PPP6R1: variants seen among roughly 807,000 people sequenced by gnomAD.
The protein encoded by PPP6R1 is serine/threonine-protein phosphatase 6 regulatory subunit 1.
In PPP6R1, 39 loss-of-function variants were observed where a neutral mutation model predicts 104.6. The ratio of observed to expected loss-of-function variants is 0.37; its 90% CI spans 0.29 to 0.49. The LOEUF is 0.49. PPP6R1 is among the 20% of genes least tolerant of loss of function. PPP6R1 has a pLI of 0.98. For missense variants in PPP6R1, 1,181 were observed against 1,155.8 expected (o/e 1.02, Z -0.32); for synonymous variants, 549 against 479.0 (o/e 1.15, Z -1.91).
In PPP6R1 at chr19:55,235,519, CT is replaced by C. The variant is rs1243985127; in HGVS notation, c.1988+1123del. On this transcript the variant is annotated intron_variant, in intron 17 of 23. Transcript: ENST00000412770. ...AACTTAACTCATTTGAATTAGATTC[CT>C]TTTTTTTTTTTTTTCTGAGACAGAG... is the stretch of plus-strand genomic sequence containing the variant. Among the ~76,000 whole-genome samples the C allele has an allele frequency of 2.8e-3, 399 of 141,884 alleles. 5 individuals carry two copies. The highest frequency in any genetic ancestry group is 5.8e-3 in the African/African-American group (222 of 38,586). The allele number at this position is 141,884 out of a possible 152,430, so 93.1% of individuals were successfully genotyped here.
In PPP6R1 at chr19:55,240,125, T is replaced by A. The variant is rs759387416; in HGVS notation, c.1362-11A>T. On this transcript the variant is annotated splice_polypyrimidine_tract_variant and intron_variant, in intron 11 of 23. Coordinates refer to ENST00000412770, the MANE Select transcript of PPP6R1 (RefSeq NM_014931.4). ...GGGCCTCCCGCACACCTGGCAAGAG[T>A]GAAGGCCGCGGCTGCAAGCCAGGAC... 6.4e-7 allele frequency: 1 copy of A among 1,569,838 alleles called. No individual in the cohort carries two copies. The highest frequency in any genetic ancestry group is 1.2e-5 in the South Asian group (1 of 85,794).
rs767048361 is a variant in PPP6R1 at position 55,242,346 on chromosome 19, C to T, written c.731+30G>A. 9.9e-6 allele frequency: 16 copies of T among 1,612,266 alleles called. No individual in the cohort carries two copies. The Admixed American group carries it at 2.3e-4, about 24-fold the overall frequency. ...CCCAGGGCTTCCCCAAGTCAGCTCCCCCCAGCCTTAGCCTTGCCCGCACAC... is the reference window on the plus strand; with the variant it reads ...CCCAGGGCTTCCCCAAGTCAGCTCCTCCCAGCCTTAGCCTTGCCCGCACAC... On this transcript the variant is annotated intron_variant, in intron 6 of 23. Coordinates refer to ENST00000412770, the MANE Select transcript of PPP6R1 (RefSeq NM_014931.4).
rs773378769 is a variant in PPP6R1 at position 55,242,313 on chromosome 19, G to A, written c.732-34C>T. On this transcript the variant is annotated intron_variant, in intron 6 of 23. Transcript: ENST00000412770. ...GCAGGGGCAGGGGTCAGGGTGAGGG[G>A]CCAGGGGCCCAGGGCTTCCCCAAGT... 6.8e-6 allele frequency: 11 copies of A among 1,613,002 alleles called. 1 individual carries two copies. In the South Asian group the frequency reaches 7.7e-5, roughly 11 times the overall value.
chr19:55,235,420 G>C (rs1409667903), intron 17 of PPP6R1, among the ~76,000 whole-genome samples: 2 of 151,894 alleles, frequency 1.3e-5, no homozygotes, highest in Non-Finnish European at 2.9e-5. Context: ...GGAAGAGAGA[G>C]ACACACACAG....
At chr19:55,255,282 C>A (rs1042664471) in intron 1 of PPP6R1, among the ~76,000 whole-genome samples, 8 of 152,182 alleles carry the variant, frequency 5.3e-5, no homozygotes, top group Non-Finnish European at 8.8e-5. Flanking sequence ...GTCTCCTGAA[C>A]TGGCCACAGG....
chr19:55,236,243 C>CGTA, intron 17 of PPP6R1: 1 of 173,212 alleles, frequency 5.8e-6, no homozygotes, highest in Non-Finnish European at 1.2e-5. Flanking sequence ...CAACCTCTGC[C>CGTA]TCCCTGGCTC....
chr19:55,257,078 T>TAAA (rs35336959), intron 1 of PPP6R1, among the ~76,000 whole-genome samples: 137 of 94,252 alleles, frequency 1.5e-3, no homozygotes, highest in African/African-American at 5.2e-3. Flanking sequence ...GAACTAGAGT[T>TAAA]AAAAAAAAAA....
In PPP6R1 at chr19:55,230,397, G is replaced by A. The variant is rs2087329074; in HGVS notation, c.*131C>T. On this transcript the variant is annotated 3_prime_UTR_variant, in exon 24 of 24. Coordinates refer to ENST00000412770, the MANE Select transcript of PPP6R1 (RefSeq NM_014931.4). ...TCTCCCTGGCACCAGCCTCCTGGGG[G>A]TCCAGAGGAGAGAATGTGGGGGTGT... is the stretch of plus-strand genomic sequence containing the variant. 2.2e-6 allele frequency: 3 copies of A among 1,379,510 alleles called. No individual in the cohort carries two copies. Among genetic ancestry groups the A allele is most frequent in the Admixed American group, 3.9e-5 (2 of 50,890 alleles). The allele number at this position is 1,379,510 out of a possible 1,614,324, so 85.5% of individuals were successfully genotyped here.
downstream of PPP6R1, chr19:55,229,010 A>C: frequency 7.1e-5 from 30 of 422,320 alleles, no homozygotes; most frequent in Middle Eastern, 7.0e-4. Context: ...AGGCCCACAA[A>C]TGCCTGTCCC....
chr19:55,245,513 G>A lies in PPP6R1; in HGVS notation c.393C>T (p.Leu131=), dbSNP rs761058109. ...ASFFSKVMGI[L]INRKTDQLVS... Reference sequence around the variant, plus strand: ...GCACCTGGTCTGTCTTGCGGTTGATGAGGATGCCCATGACCTTGCTGAAGA... The same window carrying A: ...GCACCTGGTCTGTCTTGCGGTTGATAAGGATGCCCATGACCTTGCTGAAGA... The change falls in exon 3 of 24, where the codon CTC becomes CTT. Residue 131 remains leucine (L), a synonymous_variant. Transcript: ENST00000412770. The surrounding 1 kb of genome is among the most constrained non-coding windows in gnomAD (Gnocchi z 6.4). 5.0e-6 allele frequency: 8 copies of A among 1,609,764 alleles called. No homozygotes were observed. The highest frequency in any genetic ancestry group is 5.1e-6 in the Non-Finnish European group (6 of 1,178,228).
Position 55,241,596 on chromosome 19 carries a change from C to T in PPP6R1, c.889G>A (p.Gly297Arg). 2 of 1,586,940 alleles carry T rather than the reference C, an allele frequency of 1.3e-6. No homozygotes were observed. Among genetic ancestry groups the T allele is most frequent in the Non-Finnish European group, 1.7e-6 (2 of 1,167,854 alleles). The change falls in exon 8 of 24, where the codon GGG becomes AGG. Residue 297 changes from glycine to arginine, a missense_variant. By Grantham distance (125) the Gly-to-Arg change is moderately radical (BLOSUM62 -2). Transcript: ENST00000412770. This position sits in a 1 kb window ranked among gnomAD's most constrained non-coding sequence, Gnocchi z 5.4. The stretch of plus-strand genomic sequence containing the variant: ...CCCTGGGCCAGGAGCTCCAGCTGCC[C>T]ATCCACACTGCTGAAGAAGCTGTTC... ...TVNSFFSSVD[G>R]QLELLAQGAL...
intron 17 of PPP6R1, among the ~76,000 whole-genome samples, chr19:55,234,438 G>A (rs2087376705): frequency 6.6e-6 from 1 of 152,308 alleles, no homozygotes; most frequent in Admixed American, 6.5e-5. Flanking sequence ...TTCAACAACT[G>A]GTGCAGGGAA....
At chr19:55,238,152 C>T (rs1217388842) in intron 15 of PPP6R1, among the ~76,000 whole-genome samples, 2 of 152,022 alleles carry the variant, frequency 1.3e-5, no homozygotes, top group South Asian at 2.1e-4. Flanking sequence ...CCTCCTGCCT[C>T]GGCCTCCCTA....
In PPP6R1 at chr19:55,231,569, G is replaced by A. The variant is rs368857146; in HGVS notation, c.2377+29C>T. On this transcript the variant is annotated intron_variant, in intron 20 of 23. Coordinates refer to ENST00000412770, the MANE Select transcript of PPP6R1 (RefSeq NM_014931.4). ...CAGGCTGCTCTCTCTGCCCAGGGCC[G>A]CGGGTGGGCAGGGCAAAGCGGGGCT... The A allele has an allele frequency of 1.4e-3, 2,259 of 1,604,952 alleles. 11 individuals are homozygous for A. The highest frequency in any genetic ancestry group is 0.01 in the Middle Eastern group (60 of 5,946).
rs544048281 is a variant in PPP6R1, at chr19:55,247,897, A to G, written c.-6-788T>C. The stretch of plus-strand genomic sequence containing the variant: ...AAGGAACCCAGGGTGGGATAGACAG[A>G]TTCTGTGGGGGAAGAACAAAGCTGG... On this transcript the variant is annotated intron_variant, in intron 1 of 23. Coordinates refer to ENST00000412770, the MANE Select transcript of PPP6R1 (RefSeq NM_014931.4). Among the ~76,000 whole-genome samples the G allele has an allele frequency of 2.0e-5, 3 of 152,292 alleles. No homozygotes were observed. In the South Asian group the frequency reaches 6.2e-4, roughly 32 times the overall value.
At position 55,231,502 on chromosome 19, in the gene PPP6R1, T is replaced by TA; in HGVS notation, c.2378-12dup. On this transcript the variant is annotated splice_polypyrimidine_tract_variant and intron_variant, in intron 20 of 23. Transcript: ENST00000412770. ...AGGCCTGGCAAGGGGCTGTGGGGGA[T>TA]AAGAGATCTCAGCTGCAGCTCCCAG... is the stretch of plus-strand genomic sequence containing the variant. 1 of 1,603,920 alleles carries TA rather than the reference T, an allele frequency of 6.2e-7. No homozygotes were observed.
intron 1 of PPP6R1, among the ~76,000 whole-genome samples, chr19:55,250,469 T>C (rs1414658326): frequency 6.6e-6 from 1 of 152,170 alleles, no homozygotes; most frequent in Non-Finnish European, 1.5e-5. Context: ...TTGCTCTGCC[T>C]GAGGGACTAG....
chr19:55,246,723 T>C (rs191364806), intron 2 of PPP6R1, among the ~76,000 whole-genome samples, 154 bp downstream of exon 2: 1 of 152,322 alleles, frequency 6.6e-6, no homozygotes, highest in African/African-American at 2.4e-5. Context: ...TGTGAGGCCT[T>C]GTGCAGGAGC....
chr19:55,234,040 GCCA>G (rs1486127207), intron 17 of PPP6R1, among the ~76,000 whole-genome samples: 14 of 152,128 alleles, frequency 9.2e-5, no homozygotes, highest in African/African-American at 3.4e-4. Flanking sequence ...ACCTCTGCCT[GCCA>G]GGTTCAAGCG....
Sources: gnomAD v4.1 joint callset for allele counts (sites outside exome capture counted in the v4.1 genomes callset) on GRCh38, gnomAD v4.1.1 for gene constraint, Gnocchi (gnomAD v3.1) non-coding constraint, MANE v1.5 for transcripts, NCBI Gene and HGNC (gene_info 2026-07-23, HGNC 2026-07-21) for gene names.